Variants in CORIN observed in about 807,000 individuals in gnomAD.
CORIN encodes atrial natriuretic peptide-converting enzyme.
A neutral mutation model predicts 125.3 loss-of-function variants in CORIN; 117 were observed. The ratio of observed to expected loss-of-function variants is 0.93; its 90% confidence interval spans 0.80 to 1.09. CORIN has a LOEUF of 1.09. Among genes scored for constraint, CORIN ranks in the 50% least tolerant of loss-of-function variants. The pLI, the probability that CORIN is intolerant of heterozygous loss-of-function variation, is 0.00. For synonymous variants in CORIN, 450 were observed against 466.4 expected, an observed-to-expected ratio of 0.96 and a Z score of 0.45; for missense variants, 1,253 against 1,306.7, an observed-to-expected ratio of 0.96 and a Z score of 0.63.
intron 2 of CORIN, among the ~76,000 whole-genome samples, chr4:47,805,808 A>C (rs1560557737): frequency 6.6e-6 from 1 of 152,238 alleles, no homozygotes. Context: ...ATAAACCAGT[A>C]AGAAAATAAT....
At chr4:47,610,722 C>T (rs192552780) in intron 19 of CORIN, among the ~76,000 whole-genome samples, 77 of 152,002 alleles carry the variant, frequency 5.1e-4, no homozygotes, top group African/African-American at 1.8e-3. Flanking sequence ...TTTGTAGTTT[C>T]GGGTTTTACA....
chr4:47,674,517 AGGCACATT>A lies in CORIN; in HGVS notation c.1250-25_1250-18del. 1.3e-6 allele frequency: 2 copies of A among 1,489,074 alleles called. No individual in the cohort carries two copies. Among genetic ancestry groups the A allele is most frequent in the Non-Finnish European group, 1.9e-6 (2 of 1,066,116 alleles). 92.2% of individuals were successfully genotyped at this position (1,489,074 alleles called of 1,614,324 possible). On this transcript the variant is annotated intron_variant, in intron 9 of 21. Coordinates refer to ENST00000273857, the MANE Select transcript of CORIN (RefSeq NM_006587.4). ...AAGTCTGAACTACAGAGGGAGGAAA[AGGCACATT>A]GGCTTTCATCATCTACAAATTCCTT...
At chr4:47,810,385 A>G (rs1419190625) in intron 1 of CORIN, among the ~76,000 whole-genome samples, 2 of 152,072 alleles carry the variant, frequency 1.3e-5, no homozygotes, top group Non-Finnish European at 1.5e-5. Flanking sequence ...GGATTTCACC[A>G]TGGTGCTCTG....
intron 13 of CORIN, among the ~76,000 whole-genome samples, chr4:47,653,168 T>C (rs1723812117): frequency 6.6e-6 from 1 of 152,206 alleles, no homozygotes; most frequent in Admixed American, 6.5e-5. Flanking sequence ...TTATTATTGT[T>C]GTTAATCTCT....
chr4:47,804,677 CAG>C (rs1439481938), intron 2 of CORIN, among the ~76,000 whole-genome samples: 8 of 120,792 alleles, frequency 6.6e-5, no homozygotes, highest in Admixed American at 1.2e-4. Context: ...CTCATGGAGA[CAG>C]AGAATAGATG....
intron 10 of CORIN, among the ~76,000 whole-genome samples, chr4:47,670,747 A>G (rs1724714423): frequency 1.3e-5 from 2 of 152,168 alleles, no homozygotes; most frequent in Admixed American, 6.5e-5. Context: ...ATTGCATACC[A>G]CAAGGGAGAA....
At chr4:47,791,162 G>A (rs1345514251) in intron 2 of CORIN, among the ~76,000 whole-genome samples, 1 of 152,142 alleles carries the variant, frequency 6.6e-6, no homozygotes, top group Non-Finnish European at 1.5e-5. Context: ...GATTATTCAG[G>A]TGAGCCCAAT....
intron 19 of CORIN, among the ~76,000 whole-genome samples, chr4:47,618,714 G>C (rs185333324): frequency 6.6e-6 from 1 of 152,026 alleles, no homozygotes. Flanking sequence ...AGCTACTCGG[G>C]AGGCTGAGGC....
Position 47,757,876 on chromosome 4 carries a change from A to ATGTGTG in CORIN, c.617+5502_617+5503insCACACA, listed in dbSNP as rs1289182548. Among the ~76,000 whole-genome samples, 50 of 113,822 alleles carry ATGTGTG rather than the reference A, an allele frequency of 4.4e-4. 1 individual carries two copies. Among genetic ancestry groups the ATGTGTG allele is most frequent in the African/African-American group, 1.9e-3 (49 of 25,710 alleles). The allele number at this position is 113,822 out of a possible 152,430, so 74.7% of individuals were successfully genotyped here. A position where few individuals can be genotyped will look rare whatever the true frequency, so the allele number is the denominator to read the frequency against. On this transcript the variant is annotated intron_variant, in intron 4 of 21. Transcript: ENST00000273857. ...TTTACACATATATATACATATATAT[A>ATGTGTG]TGTATATATATATATATATATATAT...
At chr4:47,813,996 C>G (rs780762335) in intron 1 of CORIN, among the ~76,000 whole-genome samples, 9 of 152,086 alleles carry the variant, frequency 5.9e-5, no homozygotes, top group Non-Finnish European at 1.2e-4. Context: ...GACCATTTGT[C>G]TTATCACAAA....
chr4:47,712,319 G>A (rs1411490218), intron 5 of CORIN, among the ~76,000 whole-genome samples: 1 of 152,094 alleles, frequency 6.6e-6, no homozygotes, highest in Non-Finnish European at 1.5e-5. Context: ...ATCATGCTCT[G>A]TAGCCCAGCC....
At chr4:47,753,667 A>G (rs1729009161) in intron 4 of CORIN, among the ~76,000 whole-genome samples, 1 of 152,154 alleles carries the variant, frequency 6.6e-6, no homozygotes, top group Non-Finnish European at 1.5e-5. Context: ...GAAGAAAAAT[A>G]TGGCTGTATT....
intron 12 of CORIN, among the ~76,000 whole-genome samples, chr4:47,656,371 G>T (rs1723980553): frequency 6.6e-6 from 1 of 152,118 alleles, no homozygotes; most frequent in South Asian, 2.1e-4. Flanking sequence ...GGCAAGGCTG[G>T]TCTTGAACTC....
chr4:47,754,106 GA>G (rs1394132872), intron 4 of CORIN, among the ~76,000 whole-genome samples: 1 of 152,180 alleles, frequency 6.6e-6, no homozygotes, highest in African/African-American at 2.4e-5. Flanking sequence ...GGCATTTTTA[GA>G]AATATTTGAT....
At chr4:47,800,911 G>A (rs1408461387) in intron 2 of CORIN, among the ~76,000 whole-genome samples, 1 of 152,000 alleles carries the variant, frequency 6.6e-6, no homozygotes, top group East Asian at 1.9e-4. Flanking sequence ...ATCCTCCAGA[G>A]CATTGCCCTC....
At chr4:47,649,411 A>G (rs2109633140) in intron 13 of CORIN, among the ~76,000 whole-genome samples, 1 of 152,346 alleles carries the variant, frequency 6.6e-6, no homozygotes, top group South Asian at 2.1e-4. Context: ...TGTCAGAAAC[A>G]AGACTATGCT....
chr4:47,833,754 A>G (rs542313497), intron 1 of CORIN, among the ~76,000 whole-genome samples: 16 of 152,318 alleles, frequency 1.1e-4, no homozygotes, highest in African/African-American at 3.4e-4. Context: ...AAAGACCTAA[A>G]TAGACATTAC....
intron 10 of CORIN, among the ~76,000 whole-genome samples, chr4:47,673,746 C>G (rs1577810796): frequency 6.6e-6 from 1 of 152,096 alleles, no homozygotes; most frequent in African/African-American, 2.4e-5. Context: ...CATCAGAGTT[C>G]CTGGAAAGGC....
chr4:47,685,481 G>C (rs73238627), intron 6 of CORIN, among the ~76,000 whole-genome samples: 25,382 of 152,108 alleles, frequency 0.17, 2,592 homozygotes, highest in Admixed American at 0.25. Flanking sequence ...ACAGAAATCT[G>C]AGAAGTAGTT....
Sources: allele counts gnomAD v4.1 joint callset (sites outside exome capture counted in the v4.1 genomes callset), GRCh38; gene constraint gnomAD v4.1.1; transcripts MANE v1.5; gene names NCBI Gene and HGNC (gene_info 2026-07-23, HGNC 2026-07-21).